Variants in KHDRBS3 observed in about 807,000 individuals in gnomAD.
The protein encoded by KHDRBS3 is KH domain-containing, RNA-binding, signal transduction-associated protein 3.
In KHDRBS3, 23 loss-of-function variants were observed where a neutral mutation model predicts 45.6. That is an observed-to-expected ratio of 0.50 (90% CI 0.36 to 0.72). The LOEUF (loss-of-function observed/expected upper bound fraction) is 0.72. Among genes scored for constraint, KHDRBS3 ranks in the 30% least tolerant of loss-of-function variants. The pLI, the probability that KHDRBS3 is intolerant of heterozygous loss-of-function variation, is 0.00. For missense variants in KHDRBS3, 352 were observed against 424.8 expected, an observed-to-expected ratio of 0.83 and a Z score of 1.51; for synonymous variants, 162 against 156.5, an observed-to-expected ratio of 1.04 and a Z score of -0.26.
At chr8:135,556,186 C>T (rs1328646051) in intron 4 of KHDRBS3, among the ~76,000 whole-genome samples, 1 of 152,166 alleles carries the variant, frequency 6.6e-6, no homozygotes, top group African/African-American at 2.4e-5. Flanking sequence ...AATAGTGCTG[C>T]AGTAAACATA....
At chr8:135,649,079 G>C (rs1831377609), downstream of KHDRBS3, among the ~76,000 whole-genome samples, 1 of 152,030 alleles carries the variant, frequency 6.6e-6, no homozygotes. Context: ...TGAAACAAAT[G>C]ATAAGTATTA....
At chr8:135,620,093 G>A (rs1830075522) in intron 7 of KHDRBS3, among the ~76,000 whole-genome samples, 2 of 146,086 alleles carry the variant, frequency 1.4e-5, no homozygotes. Context: ...TTTTAATTGA[G>A]ACAGGGTATC....
intron 5 of KHDRBS3, among the ~76,000 whole-genome samples, chr8:135,561,595 G>A (rs1827170019): frequency 6.7e-6 from 1 of 149,782 alleles, no homozygotes. Context: ...TTTCATTCTA[G>A]CACTTTTATT....
intron 2 of KHDRBS3, among the ~76,000 whole-genome samples, chr8:135,523,921 G>T (rs140221810): frequency 6.6e-6 from 1 of 152,138 alleles, no homozygotes; most frequent in East Asian, 1.9e-4. Flanking sequence ...TAAAACCTTT[G>T]TATTCTTGGG....
At chr8:135,462,679 TTAGCC>T (rs1320600161) in intron 1 of KHDRBS3, among the ~76,000 whole-genome samples, 1 of 152,202 alleles carries the variant, frequency 6.6e-6, no homozygotes, top group East Asian at 1.9e-4. Flanking sequence ...GGAGAGGTTA[TTAGCC>T]TAGTTTTTCA....
intron 6 of KHDRBS3, among the ~76,000 whole-genome samples, chr8:135,591,583 C>CTG (rs1233028958): frequency 6.6e-6 from 1 of 152,174 alleles, no homozygotes; most frequent in Non-Finnish European, 1.5e-5. Context: ...GTGCCCTCAT[C>CTG]TGTACATGGG....
At chr8:135,543,392 G>T (rs1826137531) in intron 3 of KHDRBS3, among the ~76,000 whole-genome samples, 1 of 151,964 alleles carries the variant, frequency 6.6e-6, no homozygotes, top group Non-Finnish European at 1.5e-5. Context: ...CATAATGTGT[G>T]TCACATTGTT....
At chr8:135,477,683 G>A (rs1025970634) in intron 1 of KHDRBS3, among the ~76,000 whole-genome samples, 1 of 152,202 alleles carries the variant, frequency 6.6e-6, no homozygotes, top group Non-Finnish European at 1.5e-5. Flanking sequence ...ATGGTAAAAG[G>A]TGCTTTGCAG....
At chr8:135,531,233 A>G (rs539859876) in intron 2 of KHDRBS3, among the ~76,000 whole-genome samples, 2 of 152,294 alleles carry the variant, frequency 1.3e-5, no homozygotes, top group East Asian at 3.9e-4. Context: ...ATTGATCTTT[A>G]GAATTATTAA....
chr8:135,569,506 A>G (rs748770315), intron 5 of KHDRBS3, among the ~76,000 whole-genome samples: 3 of 152,216 alleles, frequency 2.0e-5, no homozygotes, highest in Non-Finnish European at 2.9e-5. Flanking sequence ...CTAAGTTTGG[A>G]TTGTCTTGAG....
intron 1 of KHDRBS3, among the ~76,000 whole-genome samples, chr8:135,462,237 G>GT (rs541659142): frequency 0.037 from 5,217 of 140,062 alleles, 230 homozygotes; most frequent in African/African-American, 0.11. Context: ...TGTGTTATCA[G>GT]TTTTTTTTTT....
At chr8:135,474,330 AC>A (rs747680237) in intron 1 of KHDRBS3, among the ~76,000 whole-genome samples, 1 of 152,224 alleles carries the variant, frequency 6.6e-6, no homozygotes, top group Non-Finnish European at 1.5e-5. Flanking sequence ...GAGATTTCAT[AC>A]CACCAACTTT....
intron 1 of KHDRBS3, among the ~76,000 whole-genome samples, chr8:135,512,087 T>G (rs1824317551): frequency 6.6e-6 from 1 of 152,194 alleles, no homozygotes; most frequent in African/African-American, 2.4e-5. Flanking sequence ...TGTGTTCAAC[T>G]CTGGTTTGAA....
At chr8:135,473,583 G>A (rs35390519) in intron 1 of KHDRBS3, among the ~76,000 whole-genome samples, 1 of 152,162 alleles carries the variant, frequency 6.6e-6, no homozygotes, top group African/African-American at 2.4e-5. Flanking sequence ...ATAAATTGCC[G>A]GATTTCCCCA....
intron 3 of KHDRBS3, 32 bp from the exon 4 acceptor site, chr8:135,548,722 T>C (rs1230310569): frequency 6.8e-7 from 1 of 1,472,182 alleles, no homozygotes; most frequent in Non-Finnish European, 9.1e-7. Flanking sequence ...ATGACACGTT[T>C]TTAAATGTGA....
chr8:135,559,533 A>G (rs112374812), intron 5 of KHDRBS3, among the ~76,000 whole-genome samples: 2,820 of 151,728 alleles, frequency 0.019, 89 homozygotes, highest in African/African-American at 0.063. Flanking sequence ...TTTTGTGTGT[A>G]TGTATTTTTA....
intron 7 of KHDRBS3, among the ~76,000 whole-genome samples, chr8:135,629,991 T>C (rs935893606): frequency 2.0e-5 from 3 of 152,192 alleles, no homozygotes; most frequent in Non-Finnish European, 2.9e-5. Context: ...TGCTGGACCC[T>C]GTCAGGAGAT....
intron 6 of KHDRBS3, among the ~76,000 whole-genome samples, chr8:135,604,005 A>T (rs968605803): frequency 2.0e-5 from 3 of 151,838 alleles, no homozygotes; most frequent in Non-Finnish European, 2.9e-5. Context: ...AAGTGTGTTG[A>T]TGAAGTACCC....
chr8:135,531,663 G>A (rs992829269), intron 2 of KHDRBS3, among the ~76,000 whole-genome samples: 1 of 152,068 alleles, frequency 6.6e-6, no homozygotes, highest in Non-Finnish European at 1.5e-5. Context: ...AGAATTTAAG[G>A]ACATGATGGA....
Sources: allele counts gnomAD v4.1 joint callset (sites outside exome capture counted in the v4.1 genomes callset), GRCh38; gene constraint gnomAD v4.1.1; transcripts MANE v1.5; gene names NCBI Gene and HGNC (gene_info 2026-07-23, HGNC 2026-07-21).